Variants in AHNAK observed in about 807,000 individuals in gnomAD.
AHNAK encodes the protein neuroblast differentiation-associated protein AHNAK.
A neutral mutation model predicts 37.8 loss-of-function variants in AHNAK; 23 were observed. The ratio of observed to expected loss-of-function variants is 0.61; its 90% CI spans 0.44 to 0.86. The LOEUF is 0.86. Among genes scored for constraint, AHNAK ranks in the 40% least tolerant of loss-of-function variants. AHNAK has a pLI of 0.00. For synonymous variants in AHNAK, 2,481 were observed against 2,636.3 expected, an observed-to-expected ratio of 0.94 and a Z score of 1.80; for missense variants, 7,411 against 7,319.4, an observed-to-expected ratio of 1.01 and a Z score of -0.46.
At chr11:62,478,416 T>C (rs189042267) in intron 5 of AHNAK, among the ~76,000 whole-genome samples, 411 of 152,314 alleles carry the variant, frequency 2.7e-3, no homozygotes, top group Non-Finnish European at 4.8e-3. Context: ...TCCCAAATTA[T>C]TGCCCCTAGC....
chr11:62,499,387 A>C (rs1233850377), intron 4 of AHNAK, among the ~76,000 whole-genome samples: 1 of 152,140 alleles, frequency 6.6e-6, no homozygotes, highest in Middle Eastern at 3.2e-3. Flanking sequence ...AGTCTCTACT[A>C]AAAATACAAA....
chr11:62,508,324 C>G (rs576169003), intron 4 of AHNAK, among the ~76,000 whole-genome samples: 1 of 152,284 alleles, frequency 6.6e-6, no homozygotes, highest in African/African-American at 2.4e-5. Flanking sequence ...CTCTTCCCAA[C>G]TCTATGAGTT....
intron 5 of AHNAK, among the ~76,000 whole-genome samples, chr11:62,439,720 T>G (rs1938263341): frequency 7.2e-6 from 1 of 139,554 alleles, no homozygotes. Flanking sequence ...CAGGCTGGAG[T>G]GTAGTGGCGC....
intron 5 of AHNAK, among the ~76,000 whole-genome samples, chr11:62,463,509 T>C (rs1014887286): frequency 6.6e-6 from 1 of 151,998 alleles, no homozygotes; most frequent in African/African-American, 2.4e-5. Flanking sequence ...TTGCTTTCAG[T>C]TCATGATTTT....
intron 1 of AHNAK, among the ~76,000 whole-genome samples, chr11:62,541,078 G>A (rs750371776): frequency 1.3e-5 from 2 of 152,186 alleles, no homozygotes; most frequent in African/African-American, 2.4e-5. Context: ...GATGGAAACC[G>A]GGCCAACTGC....
intron 5 of AHNAK, among the ~76,000 whole-genome samples, chr11:62,434,519 A>T (rs1324028191): frequency 6.6e-6 from 1 of 152,054 alleles, no homozygotes. Flanking sequence ...TTGTCCTCTC[A>T]TGGGCCTCCT....
At chr11:62,498,315 G>A (rs1482784335) in intron 4 of AHNAK, among the ~76,000 whole-genome samples, 2 of 152,032 alleles carry the variant, frequency 1.3e-5, no homozygotes, top group Non-Finnish European at 2.9e-5. Flanking sequence ...CACTAAGAAG[G>A]AGCACGCAAG....
At chr11:62,448,120 G>A (rs1332091554) in intron 5 of AHNAK, among the ~76,000 whole-genome samples, 1 of 152,064 alleles carries the variant, frequency 6.6e-6, no homozygotes, top group East Asian at 1.9e-4. Flanking sequence ...ACCTGAGGAA[G>A]GAAAGACATG....
At chr11:62,539,124 G>A (rs1240457607) in intron 1 of AHNAK, among the ~76,000 whole-genome samples, 1 of 152,342 alleles carries the variant, frequency 6.6e-6, no homozygotes, top group East Asian at 1.9e-4. Context: ...AGAGAAGGCT[G>A]CGACAGGAAA....
chr11:62,469,574 C>T (rs187860744), intron 5 of AHNAK, among the ~76,000 whole-genome samples: 10 of 152,126 alleles, frequency 6.6e-5, no homozygotes, highest in South Asian at 2.1e-4. Context: ...AAGCAATTGT[C>T]GTGCCTCAGC....
intron 5 of AHNAK, among the ~76,000 whole-genome samples, chr11:62,457,041 C>T (rs1333431225): frequency 1.3e-5 from 2 of 152,174 alleles, no homozygotes; most frequent in Non-Finnish European, 2.9e-5. Context: ...TGGCTTATGC[C>T]TGTAATCCCA....
At chr11:62,477,791 A>G (rs1279622922) in intron 5 of AHNAK, among the ~76,000 whole-genome samples, 3 of 151,672 alleles carry the variant, frequency 2.0e-5, no homozygotes, top group Non-Finnish European at 4.4e-5. Context: ...AAAAGAGTGA[A>G]ACTCCATCTC....
At chr11:62,468,839 C>T (rs1004180907) in intron 5 of AHNAK, among the ~76,000 whole-genome samples, 4 of 152,266 alleles carry the variant, frequency 2.6e-5, no homozygotes, top group African/African-American at 9.6e-5. Flanking sequence ...AACTCTGAGA[C>T]GACCCATCTG....
chr11:62,469,642 ATT>A (rs1938989999), intron 5 of AHNAK, among the ~76,000 whole-genome samples: 1 of 150,980 alleles, frequency 6.6e-6, no homozygotes, highest in African/African-American at 2.4e-5. Flanking sequence ...ATTTTTTTGT[ATT>A]TTTAGTAGAG....
intron 5 of AHNAK, among the ~76,000 whole-genome samples, chr11:62,440,035 G>A (rs1565194677): frequency 1.3e-5 from 2 of 152,024 alleles, no homozygotes; most frequent in Non-Finnish European, 1.5e-5. Context: ...CTCCACCTTG[G>A]CACTATTCAC....
At chr11:62,477,427 G>A (rs1455309546) in intron 5 of AHNAK, among the ~76,000 whole-genome samples, 1 of 152,118 alleles carries the variant, frequency 6.6e-6, no homozygotes, top group East Asian at 1.9e-4. Context: ...CTTAATTCCT[G>A]GGTGATGAAA....
intron 5 of AHNAK, among the ~76,000 whole-genome samples, chr11:62,461,901 T>C (rs1938799016): frequency 6.6e-6 from 1 of 152,012 alleles, no homozygotes; most frequent in Non-Finnish European, 1.5e-5. Flanking sequence ...ACTGATGTCT[T>C]TGTGGTTGGC....
At chr11:62,513,206 T>G (rs1939945473), downstream of AHNAK, among the ~76,000 whole-genome samples, 1 of 152,102 alleles carries the variant, frequency 6.6e-6, no homozygotes, top group African/African-American at 2.4e-5. Flanking sequence ...ACCAGGACCT[T>G]AGAGTGTCAG....
chr11:62,528,570 T>C lies in AHNAK; in HGVS notation c.5847A>G (p.Gly1949=). 1 of 1,598,404 alleles carries C rather than the reference T, an allele frequency of 6.3e-7. No individual in the cohort carries two copies. Among genetic ancestry groups the C allele is most frequent in the Non-Finnish European group, 8.5e-7 (1 of 1,175,648 alleles). ...DVDVSVPKLE[G]DLTGPSVGVE... is the part of the protein sequence containing the mutation. ...CACCCACACTGGGACCTGTTAAATCTCCCTCCAATTTTGGCACCGACACAT... is the reference window on the plus strand; with the variant it reads ...CACCCACACTGGGACCTGTTAAATCCCCCTCCAATTTTGGCACCGACACAT... Residue 1949 remains glycine (G), a synonymous_variant, in exon 5 of 5, where the codon GGA becomes GGG. Transcript: ENST00000378024.
Sources: allele counts gnomAD v4.1 joint callset (sites outside exome capture counted in the v4.1 genomes callset), GRCh38; gene constraint gnomAD v4.1.1; transcripts MANE v1.5; gene names NCBI Gene and HGNC (gene_info 2026-07-23, HGNC 2026-07-21).